The following CAMKMT variants were observed in gnomAD, a reference collection of about 807,000 sequenced individuals.
CAMKMT encodes the protein CaM KMT.
Under a neutral mutation model 48.0 loss-of-function variants are expected in CAMKMT, and 53 were observed. The ratio of observed to expected loss-of-function variants is 1.10; its 90% confidence interval spans 0.89 to 1.39. The LOEUF (loss-of-function observed/expected upper bound fraction) is 1.39, where lower values mean the gene tolerates loss of function less well. Ranked by LOEUF, CAMKMT falls within the 40% of genes most tolerant of loss-of-function variation. CAMKMT has a pLI of 0.00. For synonymous variants in CAMKMT, 165 were observed against 152.3 expected, an observed-to-expected ratio of 1.08 and a Z score of -0.61; for missense variants, 428 against 402.7, an observed-to-expected ratio of 1.06 and a Z score of -0.54.
intron 3 of CAMKMT, among the ~76,000 whole-genome samples, chr2:44,621,709 A>G (rs1672207075): frequency 6.6e-6 from 1 of 152,246 alleles, no homozygotes; most frequent in African/African-American, 2.4e-5. Context: ...CTTGTAGGGC[A>G]GAGTAACGTG....
intron 3 of CAMKMT, among the ~76,000 whole-genome samples, chr2:44,421,737 G>A (rs1683948713): frequency 6.6e-6 from 1 of 152,120 alleles, no homozygotes; most frequent in Admixed American, 6.5e-5. Context: ...AAAACTTAGG[G>A]TACACGAATC....
chr2:44,532,817 G>GAT (rs763213732), intron 3 of CAMKMT, among the ~76,000 whole-genome samples: 11,918 of 146,074 alleles, frequency 0.082, 556 homozygotes, highest in Middle Eastern at 0.12. Context: ...TGCCATTAAA[G>GAT]TTTTTTTTTT....
At chr2:44,378,571 G>A (rs753757634) in intron 2 of CAMKMT, among the ~76,000 whole-genome samples, 12 of 152,150 alleles carry the variant, frequency 7.9e-5, no homozygotes, top group Non-Finnish European at 1.6e-4. Context: ...TTGGCTCACT[G>A]CAACCTCCGC....
chr2:44,523,487 G>C (rs1671232296), intron 3 of CAMKMT, among the ~76,000 whole-genome samples: 1 of 151,848 alleles, frequency 6.6e-6, no homozygotes, highest in South Asian at 2.1e-4. Context: ...TAGAGAAAGA[G>C]TTTCACCATG....
intron 3 of CAMKMT, among the ~76,000 whole-genome samples, chr2:44,583,636 A>C (rs1184011634): frequency 2.0e-5 from 3 of 152,016 alleles, no homozygotes; most frequent in Non-Finnish European, 4.4e-5. Flanking sequence ...GTCTCTACAA[A>C]AAATAAAAAA....
chr2:44,556,407 G>C (rs1221165378), intron 3 of CAMKMT, among the ~76,000 whole-genome samples: 1 of 150,018 alleles, frequency 6.7e-6, no homozygotes, highest in Admixed American at 6.6e-5. Flanking sequence ...TCAAAGTGCT[G>C]GGATTACAGG....
At chr2:44,543,293 T>G (rs756112658) in intron 3 of CAMKMT, among the ~76,000 whole-genome samples, 1 of 152,222 alleles carries the variant, frequency 6.6e-6, no homozygotes, top group Non-Finnish European at 1.5e-5. Flanking sequence ...TCTTCCAGTA[T>G]GATTTCTGCC....
At chr2:44,675,270 A>G (rs1675616012) in intron 3 of CAMKMT, among the ~76,000 whole-genome samples, 1 of 152,168 alleles carries the variant, frequency 6.6e-6, no homozygotes, top group Non-Finnish European at 1.5e-5. Context: ...TCCTGGTTTC[A>G]GCACTCTAAT....
chr2:44,572,635 T>G (rs2103740724), intron 3 of CAMKMT, among the ~76,000 whole-genome samples: 1 of 152,286 alleles, frequency 6.6e-6, no homozygotes, highest in East Asian at 1.9e-4. Flanking sequence ...TTTAATTTTT[T>G]GGGGTCTATC....
chr2:44,585,330 C>A (rs2103789618), intron 3 of CAMKMT, among the ~76,000 whole-genome samples: 1 of 152,300 alleles, frequency 6.6e-6, no homozygotes, highest in East Asian at 1.9e-4. Flanking sequence ...TTTATACATA[C>A]ATTTAGGAAG....
chr2:44,482,785 T>C (rs1669036276), intron 3 of CAMKMT, among the ~76,000 whole-genome samples: 1 of 152,046 alleles, frequency 6.6e-6, no homozygotes, highest in South Asian at 2.1e-4. Flanking sequence ...GGGAGAATGA[T>C]GATTAGAAAG....
chr2:44,617,503 T>G (rs968436979), intron 3 of CAMKMT, among the ~76,000 whole-genome samples: 1 of 152,232 alleles, frequency 6.6e-6, no homozygotes, highest in Non-Finnish European at 1.5e-5. Flanking sequence ...TGATACTGAT[T>G]CAATTGTAAA....
chr2:44,578,130 A>G (rs778031014), intron 3 of CAMKMT, among the ~76,000 whole-genome samples: 6 of 152,322 alleles, frequency 3.9e-5, no homozygotes, highest in Middle Eastern at 3.4e-3. Context: ...ATGAGAGCTC[A>G]GGCGGGTTGG....
chr2:44,594,347 T>A (rs1670516553), intron 3 of CAMKMT, among the ~76,000 whole-genome samples: 1 of 152,200 alleles, frequency 6.6e-6, no homozygotes, highest in South Asian at 2.1e-4. Flanking sequence ...AGAGCCCGTA[T>A]AGCCAAGACA....
At chr2:44,672,498 CTAT>C (rs1675389900) in intron 3 of CAMKMT, among the ~76,000 whole-genome samples, 1 of 152,096 alleles carries the variant, frequency 6.6e-6, no homozygotes, top group Non-Finnish European at 1.5e-5. Flanking sequence ...TGTACCCCAA[CTAT>C]TTGTACCATT....
At chr2:44,553,784 G>C in intron 3 of CAMKMT, among the ~76,000 whole-genome samples, 1 of 152,076 alleles carries the variant, frequency 6.6e-6, no homozygotes. Context: ...TATTGTCATG[G>C]CTCTGGTAGT....
chr2:44,569,589 G>T (rs1256030376), intron 3 of CAMKMT, among the ~76,000 whole-genome samples: 4 of 151,860 alleles, frequency 2.6e-5, no homozygotes, highest in Admixed American at 6.6e-5. Context: ...ATCTTTCATT[G>T]CATCTCTTCT....
chr2:44,621,110 T>C (rs976166055), intron 3 of CAMKMT, among the ~76,000 whole-genome samples: 2 of 151,716 alleles, frequency 1.3e-5, no homozygotes, highest in African/African-American at 4.8e-5. Flanking sequence ...CTACTAAAAA[T>C]ACAAAAAATT....
chr2:44,659,833 C>A (rs1283835644), intron 3 of CAMKMT, among the ~76,000 whole-genome samples: 4 of 151,982 alleles, frequency 2.6e-5, no homozygotes, highest in Non-Finnish European at 5.9e-5. Context: ...CTATTTATTT[C>A]TATTTTCTTA....
Sources: gnomAD v4.1 joint callset for allele counts (sites outside exome capture counted in the v4.1 genomes callset) on GRCh38, gnomAD v4.1.1 for gene constraint, MANE v1.5 for transcripts, NCBI Gene and HGNC (gene_info 2026-07-23, HGNC 2026-07-21) for gene names.